CYYR1: variants seen among roughly 807,000 people sequenced by gnomAD.
CYYR1 encodes cysteine and tyrosine rich 1.
A neutral mutation model predicts 15.2 loss-of-function variants in CYYR1; 14 were observed. That is an observed-to-expected ratio of 0.92 (90% CI 0.61 to 1.44). CYYR1 has a LOEUF of 1.44. CYYR1 is among the 40% of genes most tolerant of loss of function. CYYR1 has a pLI of 0.00. For synonymous variants in CYYR1, 80 were observed against 77.4 expected (o/e 1.03, Z -0.18); for missense variants, 228 against 209.5 (o/e 1.09, Z -0.54).
chr21:26,562,263 T>C (rs756011751), intron 2 of CYYR1, among the ~76,000 whole-genome samples: 19 of 152,216 alleles, frequency 1.2e-4, no homozygotes, highest in Non-Finnish European at 2.1e-4. Flanking sequence ...TGGTTTCAAA[T>C]AGTGTAACAT....
At chr21:26,562,382 G>A (rs1223008651) in intron 2 of CYYR1, among the ~76,000 whole-genome samples, 9 of 151,984 alleles carry the variant, frequency 5.9e-5, no homozygotes, top group Non-Finnish European at 8.8e-5. Context: ...AGAATGTGTC[G>A]GTTCTATATA....
chr21:26,550,108 C>T (rs919759574), intron 2 of CYYR1, among the ~76,000 whole-genome samples: 1 of 152,122 alleles, frequency 6.6e-6, no homozygotes, highest in African/African-American at 2.4e-5. Flanking sequence ...ATATGTCAAA[C>T]TTTTTCATTA....
intron 2 of CYYR1, among the ~76,000 whole-genome samples, chr21:26,511,402 A>G (rs1436488680): frequency 6.6e-6 from 1 of 152,238 alleles, no homozygotes; most frequent in African/African-American, 2.4e-5. Context: ...TTTCCTGCCT[A>G]GTCATTGGCT....
At chr21:26,534,350 CT>C in intron 2 of CYYR1, among the ~76,000 whole-genome samples, 1 of 152,162 alleles carries the variant, frequency 6.6e-6, no homozygotes, top group East Asian at 1.9e-4. Context: ...AGGCAGTGGC[CT>C]CTCTATTGCA....
intron 2 of CYYR1, among the ~76,000 whole-genome samples, chr21:26,484,082 A>AAAAT (rs1418236281): frequency 7.2e-5 from 11 of 152,134 alleles, no homozygotes; most frequent in African/African-American, 2.7e-4. Flanking sequence ...TTTTGTAAAG[A>AAAAT]AAATACATAC....
chr21:26,472,299 T>A (rs1433919199), intron 3 of CYYR1, among the ~76,000 whole-genome samples: 1 of 152,184 alleles, frequency 6.6e-6, no homozygotes, highest in Non-Finnish European at 1.5e-5. Flanking sequence ...ATAATTAATG[T>A]AATGATGAAT....
chr21:26,478,049 C>T, intron 3 of CYYR1: 3 of 1,547,562 alleles, frequency 1.9e-6, no homozygotes, highest in Non-Finnish European at 2.6e-6. Flanking sequence ...AGCTGAGTGC[C>T]CATTATGTAC....
intron 2 of CYYR1, among the ~76,000 whole-genome samples, chr21:26,496,751 C>T (rs955805630): frequency 3.3e-5 from 5 of 151,954 alleles, no homozygotes; most frequent in African/African-American, 7.2e-5. Flanking sequence ...TGTGTAGACC[C>T]GGATAAATAG....
In CYYR1 at chr21:26,468,257, G is replaced by A; in HGVS notation, c.*244C>T. The stretch of plus-strand genomic sequence containing the variant: ...AATTACATTACTCTTCCCTGAATGT[G>A]CTTAGGTGGATCAGCAGATCTCTTA... On this transcript the variant is annotated 3_prime_UTR_variant, in exon 4 of 4. Coordinates refer to ENST00000652641, the MANE Select transcript of CYYR1 (RefSeq NM_001320768.2). 1 of 521,516 alleles carries A rather than the reference G, an allele frequency of 1.9e-6. No individual in the cohort carries two copies. Among genetic ancestry groups the A allele is most frequent in the Non-Finnish European group, 3.5e-6 (1 of 286,518 alleles). The allele number at this position is 521,516 out of a possible 1,614,324, so 32.3% of individuals were successfully genotyped here.
At chr21:26,540,897 G>A (rs552298859) in intron 2 of CYYR1, among the ~76,000 whole-genome samples, 10 of 152,296 alleles carry the variant, frequency 6.6e-5, no homozygotes, top group African/African-American at 1.9e-4. Context: ...GGTAAAATAT[G>A]TTTGTGATGA....
rs1342301063 is a variant in CYYR1, at chr21:26,564,774, T to A, written c.176+1492A>T. Reference sequence around the variant, plus strand: ...TGACCAAAGAATCACAGAATCAGTTTGACTTCACATTCTCCAAGTTATACT... The same window carrying A: ...TGACCAAAGAATCACAGAATCAGTTAGACTTCACATTCTCCAAGTTATACT... On this transcript the variant is annotated intron_variant, in intron 2 of 3. Coordinates refer to ENST00000652641, the MANE Select transcript of CYYR1 (RefSeq NM_001320768.2). The A allele has an allele frequency of 3.2e-6, 4 of 1,243,650 alleles. No individual in the cohort carries two copies. In the African/African-American group the frequency reaches 6.1e-5, roughly 19 times the overall value. The allele number at this position is 1,243,650 out of a possible 1,614,324, so 77.0% of individuals were successfully genotyped here.
intron 2 of CYYR1, among the ~76,000 whole-genome samples, chr21:26,532,727 G>A (rs1031193886): frequency 2.0e-5 from 3 of 152,038 alleles, no homozygotes; most frequent in Admixed American, 6.6e-5. Flanking sequence ...ACTTATGTAC[G>A]AATAAGTGTA....
chr21:26,534,394 C>T (rs1277275065), intron 2 of CYYR1, among the ~76,000 whole-genome samples: 2 of 152,110 alleles, frequency 1.3e-5, no homozygotes, highest in Non-Finnish European at 2.9e-5. Flanking sequence ...TGAATCTTTT[C>T]TTGCCCCTCC....
intron 2 of CYYR1, among the ~76,000 whole-genome samples, chr21:26,546,468 C>A (rs1432146780): frequency 6.6e-6 from 1 of 152,178 alleles, no homozygotes; most frequent in Non-Finnish European, 1.5e-5. Context: ...GGCTGTTGAT[C>A]ATGCTTGGGA....
intron 2 of CYYR1, among the ~76,000 whole-genome samples, chr21:26,528,311 T>A (rs1211197945): frequency 2.0e-5 from 3 of 152,182 alleles, no homozygotes; most frequent in African/African-American, 7.2e-5. Context: ...TGAAATGTGA[T>A]CCTTAGTGTT....
At chr21:26,521,699 G>A (rs2065805787) in intron 2 of CYYR1, among the ~76,000 whole-genome samples, 1 of 152,076 alleles carries the variant, frequency 6.6e-6, no homozygotes, top group Non-Finnish European at 1.5e-5. Flanking sequence ...TTGGGTCATG[G>A]ATACATGCTG....
chr21:26,565,910 A>G (rs1980581691), intron 2 of CYYR1, among the ~76,000 whole-genome samples: 1 of 152,244 alleles, frequency 6.6e-6, no homozygotes, highest in South Asian at 2.1e-4. Context: ...TAAATAACAA[A>G]TCTTAACTTG....
At chr21:26,472,673 T>C (rs943766815) in intron 3 of CYYR1, among the ~76,000 whole-genome samples, 3 of 152,086 alleles carry the variant, frequency 2.0e-5, no homozygotes, top group Non-Finnish European at 2.9e-5. Context: ...ATAAGTAAGA[T>C]ATAAAAAAGT....
At chr21:26,504,119 C>A (rs971570550) in intron 2 of CYYR1, among the ~76,000 whole-genome samples, 1 of 152,124 alleles carries the variant, frequency 6.6e-6, no homozygotes, top group African/African-American at 2.4e-5. Flanking sequence ...AAGAATCCAG[C>A]ATATCTTAAC....
Sources: allele counts gnomAD v4.1 joint callset (sites outside exome capture counted in the v4.1 genomes callset), GRCh38; gene constraint gnomAD v4.1.1; transcripts MANE v1.5; gene names NCBI Gene and HGNC (gene_info 2026-07-23, HGNC 2026-07-21).